IFT56: variants seen among roughly 807,000 people sequenced by gnomAD.
IFT56 encodes the protein intraflagellar transport protein 56.
the IFT56 span, chr7:139,133,874 A>T: frequency 6.2e-7 from 1 of 1,614,172 alleles, no homozygotes; most frequent in South Asian, 1.1e-5. Context: ...AGTGGCTCTG[A>T]ATAGTAAGGG....
the IFT56 span, chr7:139,174,311 G>T: frequency 1.8e-6 from 1 of 557,676 alleles, no homozygotes; most frequent in South Asian, 1.4e-5. Flanking sequence ...ACCTGGTGCT[G>T]GGCCACACTG....
At chr7:139,134,334 C>G in the IFT56 span, among the ~76,000 whole-genome samples, 1 of 150,814 alleles carries the variant, frequency 6.6e-6, no homozygotes, top group South Asian at 2.1e-4. Flanking sequence ...TGCAGTGGCG[C>G]GATCTTGGCT....
At chr7:139,147,633 C>T in the IFT56 span, among the ~76,000 whole-genome samples, 2 of 152,114 alleles carry the variant, frequency 1.3e-5, no homozygotes, top group African/African-American at 4.8e-5. Flanking sequence ...CATTAAGAAC[C>T]AATTTTTCCC....
the IFT56 span, chr7:139,140,052 G>T: frequency 3.2e-6 from 4 of 1,257,450 alleles, no homozygotes; most frequent in Admixed American, 2.4e-5. Context: ...GTTAAGAGTT[G>T]TTTTGAAGAT....
chr7:139,165,393 CTT>C, the IFT56 span, among the ~76,000 whole-genome samples: 1 of 152,088 alleles, frequency 6.6e-6, no homozygotes, highest in East Asian at 1.9e-4. Context: ...TTTGTTGTGC[CTT>C]TTTTTATCCT....
the IFT56 span, among the ~76,000 whole-genome samples, chr7:139,170,035 A>G: frequency 6.6e-6 from 1 of 152,200 alleles, no homozygotes. Context: ...ACACCATACA[A>G]CCAATACTAC....
chr7:139,187,352 C>A, the IFT56 span: 6 of 1,591,886 alleles, frequency 3.8e-6, no homozygotes, highest in Non-Finnish European at 5.1e-6. Context: ...TGTTCAGGTT[C>A]TTTCTGTGCA....
the IFT56 span, among the ~76,000 whole-genome samples, chr7:139,164,809 A>G: frequency 6.6e-6 from 1 of 152,218 alleles, no homozygotes; most frequent in Non-Finnish European, 1.5e-5. Flanking sequence ...ATGAATAAAA[A>G]AGAAGGGCAA....
chr7:139,163,545 G>A, the IFT56 span, among the ~76,000 whole-genome samples: 1 of 152,118 alleles, frequency 6.6e-6, no homozygotes, highest in African/African-American at 2.4e-5. Flanking sequence ...AGAGGTTAAG[G>A]AGTGAGAGGA....
the IFT56 span, among the ~76,000 whole-genome samples, chr7:139,166,019 G>A: frequency 6.6e-6 from 1 of 152,110 alleles, no homozygotes; most frequent in African/African-American, 2.4e-5. Flanking sequence ...GTGCAGTGGC[G>A]TGATCTCCGC....
At chr7:139,160,395 T>G in the IFT56 span, among the ~76,000 whole-genome samples, 1 of 152,058 alleles carries the variant, frequency 6.6e-6, no homozygotes, top group Non-Finnish European at 1.5e-5. Context: ...ATCCCAGTTT[T>G]CAAACTTGCT....
At chr7:139,179,390 A>G in the IFT56 span, among the ~76,000 whole-genome samples, 2 of 152,242 alleles carry the variant, frequency 1.3e-5, no homozygotes, top group Non-Finnish European at 2.9e-5. Flanking sequence ...TCAACTTGTA[A>G]TATCAATTTC....
At chr7:139,180,256 G>A in the IFT56 span, among the ~76,000 whole-genome samples, 1 of 152,228 alleles carries the variant, frequency 6.6e-6, no homozygotes, top group East Asian at 1.9e-4. Context: ...AAAATGGCGT[G>A]AACCCGGGAG....
the IFT56 span, chr7:139,169,465 A>G: frequency 1.3e-3 from 1,233 of 914,924 alleles, 24 homozygotes; most frequent in South Asian, 0.018. Context: ...CACATTATAA[A>G]GTGGGAGGTC....
chr7:139,143,311 C>A, the IFT56 span, among the ~76,000 whole-genome samples: 3 of 152,086 alleles, frequency 2.0e-5, no homozygotes, highest in Non-Finnish European at 4.4e-5. Flanking sequence ...GTCACTTTGT[C>A]TCTTTCTCTT....
chr7:139,143,826 T>C, the IFT56 span, among the ~76,000 whole-genome samples: 246 of 152,242 alleles, frequency 1.6e-3, no homozygotes, highest in African/African-American at 5.5e-3. Context: ...CTCGATTTGC[T>C]TGCTAGTTAT....
chr7:139,140,044 TAA>T, the IFT56 span: 19 of 1,313,780 alleles, frequency 1.4e-5, no homozygotes, highest in Non-Finnish European at 2.0e-5. Flanking sequence ...CATTCATAGT[TAA>T]GAGTTGTTTT....
chr7:139,136,058 G>A, the IFT56 span, among the ~76,000 whole-genome samples: 2 of 151,946 alleles, frequency 1.3e-5, no homozygotes, highest in African/African-American at 4.8e-5. Flanking sequence ...TGAGTAGCTG[G>A]GATTAGAAGT....
At chr7:139,173,557 A>G in the IFT56 span, 2 of 790,436 alleles carry the variant, frequency 2.5e-6, no homozygotes, top group African/African-American at 1.7e-5. Flanking sequence ...GAGTTTGTTC[A>G]TATGGATAGA....
Sources: gnomAD v4.1 joint callset for allele counts (sites outside exome capture counted in the v4.1 genomes callset) on GRCh38, gnomAD v4.1.1 for gene constraint, MANE v1.5 for transcripts, NCBI Gene and HGNC (gene_info 2026-07-23, HGNC 2026-07-21) for gene names.